Variants in AKAP13 observed in about 807,000 individuals in gnomAD.
AKAP13 encodes A-kinase anchor protein 13.
In AKAP13, 80 loss-of-function variants were observed where a neutral mutation model predicts 264.5. The ratio of observed to expected loss-of-function variants is 0.30; its 90% CI spans 0.25 to 0.36. The LOEUF is 0.36. AKAP13 is among the 10% of genes least tolerant of loss of function. The pLI is 1.00. For synonymous variants in AKAP13, 1,380 were observed against 1,250.2 expected (o/e 1.10, Z -2.19); for missense variants, 3,712 against 3,435.2 (o/e 1.08, Z -2.01).
rs1449326976 is a variant in AKAP13, at chr15:85,724,439, A to C, written c.6745+1119A>C. On this transcript the variant is annotated intron_variant, in intron 26 of 36. Transcript: ENST00000394518. This position sits in a 1 kb window ranked among gnomAD's most constrained non-coding sequence, Gnocchi z 4.2. The stretch of plus-strand genomic sequence containing the variant: ...CACATAAGGAGAAAGTGTTCCCCAC[A>C]CTAAGGAAGAGAAAGTGGAAGCACA... Among the ~76,000 whole-genome samples, 2 of 152,088 alleles carry C rather than the reference A, an allele frequency of 1.3e-5. No individual in the cohort carries two copies. The highest frequency in any genetic ancestry group is 2.9e-5 in the Non-Finnish European group (2 of 68,020).
Position 85,645,834 on chromosome 15 carries a change from G to T in AKAP13, c.4254G>T (p.Leu1418=), listed in dbSNP as rs770448847. The T allele has an allele frequency of 3.1e-6, 5 of 1,602,462 alleles. No homozygotes were observed. In the South Asian group the frequency reaches 5.6e-5, roughly 18 times the overall value. The change falls in exon 10 of 37, where the codon CTG becomes CTT. Residue 1418 remains leucine, a synonymous_variant. Coordinates refer to ENST00000394518, the MANE Select transcript of AKAP13 (RefSeq NM_007200.5). ...CTTTTTCAGAATGTGAGAACTTCCT[G>T]GATGTTGGACTGGGCAGAGAGTGTA... ...SKQSPECENF[L]DVGLGRECTS...
At position 85,741,245 on chromosome 15, in the gene AKAP13, G is replaced by T. The variant is rs1011716750; in HGVS notation, c.7808G>T (p.Arg2603Leu). The change falls in exon 35 of 37, where the codon CGT (arginine) becomes CTT (leucine). Residue 2603 changes from arginine to leucine, a missense_variant. Around this residue, in one of 3 missense-constraint regions of AKAP13, gnomAD observed 611 missense variants for 539.3 expected, o/e 1.13. Transcript: ENST00000394518. Reference protein sequence around the residue: ...QYLEEKRRREREWEARERELR... With the variant: ...QYLEEKRRRELEWEARERELR... ...CTCGAGGAGAAGCGCAGGCGCGAGC[G>T]TGAGTGGGAAGCTCGTGAGAGGGAG... The T allele has an allele frequency of 6.2e-7, 1 of 1,609,416 alleles. No individual in the cohort carries two copies. The highest frequency in any genetic ancestry group is 8.5e-7 in the Non-Finnish European group (1 of 1,178,054).
intron 36 of AKAP13, 97 bp downstream of exon 36, chr15:85,743,922 C>A: frequency 1.4e-6 from 2 of 1,380,026 alleles, no homozygotes; most frequent in Non-Finnish European, 1.9e-6. Context: ...GAAAAGGGGA[C>A]AGTTCAGATG....
chr15:85,539,606 A>G (rs541468915), intron 4 of AKAP13, among the ~76,000 whole-genome samples: 7 of 152,308 alleles, frequency 4.6e-5, no homozygotes, highest in South Asian at 2.1e-4. Context: ...AAAAGATACA[A>G]CCCTCTAGCA....
intron 17 of AKAP13, among the ~76,000 whole-genome samples, chr15:85,698,749 G>A (rs1166670532): frequency 1.3e-5 from 2 of 151,764 alleles, no homozygotes; most frequent in Non-Finnish European, 2.9e-5. Flanking sequence ...TTTGAGACCA[G>A]CCTGGCCAAC....
chr15:85,557,723 GCC>G (rs1426310435), intron 5 of AKAP13, among the ~76,000 whole-genome samples: 2 of 152,228 alleles, frequency 1.3e-5, no homozygotes, highest in Middle Eastern at 3.4e-3. Context: ...TGATTTGCCT[GCC>G]TCAGCCTCCT....
At chr15:85,404,641 C>T (rs1440878837) in intron 1 of AKAP13, among the ~76,000 whole-genome samples, 1 of 152,146 alleles carries the variant, frequency 6.6e-6, no homozygotes, top group Non-Finnish European at 1.5e-5. Context: ...TCTTTCTGAC[C>T]TCTCAAGCAT....
chr15:85,414,018 T>C (rs557148058), intron 1 of AKAP13, among the ~76,000 whole-genome samples: 1 of 152,322 alleles, frequency 6.6e-6, no homozygotes, highest in East Asian at 1.9e-4. Flanking sequence ...TCAGTGGAAA[T>C]GGAAATGAGA....
intron 5 of AKAP13, among the ~76,000 whole-genome samples, chr15:85,549,176 G>A (rs1199090939): frequency 1.3e-5 from 2 of 152,084 alleles, no homozygotes; most frequent in Non-Finnish European, 1.5e-5. Flanking sequence ...ATGTAGGTTG[G>A]AAATTATTCC....
chr15:85,670,096 T>G (rs66501342), intron 14 of AKAP13, among the ~76,000 whole-genome samples: 29,114 of 152,114 alleles, frequency 0.19, 3,189 homozygotes, highest in South Asian at 0.34. Context: ...TTTTTTATTT[T>G]GAAATAATTT....
At chr15:85,608,402 C>T (rs1306822222) in intron 8 of AKAP13, among the ~76,000 whole-genome samples, 1 of 152,186 alleles carries the variant, frequency 6.6e-6, no homozygotes, top group East Asian at 1.9e-4. Context: ...ATTCATCTCA[C>T]CTTGGATGTA....
At chr15:85,716,046 G>T in intron 20 of AKAP13, 123 bp downstream of exon 20, 5 of 1,259,656 alleles carry the variant, frequency 4.0e-6, no homozygotes, top group South Asian at 1.5e-5. Context: ...TCATGGGTTG[G>T]TGCAGACAAG....
intron 25 of AKAP13, 57 bp downstream of exon 25, chr15:85,722,404 A>G (rs1161295942): frequency 2.1e-6 from 3 of 1,407,548 alleles, no homozygotes; most frequent in Non-Finnish European, 1.9e-6. Flanking sequence ...CTCTGTGGCC[A>G]GTAGTACTGG....
chr15:85,486,739 C>CTTTTTTTTTT (rs562767898), intron 2 of AKAP13, among the ~76,000 whole-genome samples: 3 of 115,644 alleles, frequency 2.6e-5, no homozygotes, highest in Non-Finnish European at 3.4e-5. Flanking sequence ...TTGTTCAGTT[C>CTTTTTTTTTT]TTTTTTTTTT....
At position 85,745,792 on chromosome 15, in the gene AKAP13, G is replaced by C. The variant is rs934318160; in HGVS notation, c.*1115G>C. The C allele has an allele frequency of 6.6e-6, 1 of 152,320 alleles. No homozygotes were observed. The highest frequency in any genetic ancestry group is 6.5e-5 in the Admixed American group (1 of 15,286). The allele number at this position is 152,320 out of a possible 1,614,324, so 9.4% of individuals were successfully genotyped here. ...ATGTGTAGCAGTTCCTGCCAGTGCA[G>C]ATCTGGAGAGGAGCTGGCCCGGAAG... On this transcript the variant is annotated 3_prime_UTR_variant, in exon 37 of 37. Coordinates refer to ENST00000394518, the MANE Select transcript of AKAP13 (RefSeq NM_007200.5).
rs547214323 is a variant in AKAP13, at chr15:85,525,224, A to AT, written c.181+3656dup. ...AGGTGCCCACCACCACACCTGGCTAATTTTTTTGTATTTTTAGTAGAGACA... is the reference window on the plus strand; with the variant it reads ...AGGTGCCCACCACCACACCTGGCTAATTTTTTTTGTATTTTTAGTAGAGACA... On this transcript the variant is annotated intron_variant, in intron 3 of 36. Coordinates refer to ENST00000394518, the MANE Select transcript of AKAP13 (RefSeq NM_007200.5). Among the ~76,000 whole-genome samples the AT allele has an allele frequency of 6.5e-3, 987 of 151,620 alleles. 7 individuals carry two copies. The highest frequency in any genetic ancestry group is 0.02 in the South Asian group (94 of 4,786).
chr15:85,655,435 G>A lies in AKAP13; in HGVS notation c.4393G>A (p.Ala1465Thr). ...IFPKPEEEHL[A>T]CDITGSSSST... ...ATTACAGCCAGAGGAAGAGCATTTG[G>A]CCTGTGATATCACCGGATCCAGTTC... is the stretch of plus-strand genomic sequence containing the variant. The change falls in exon 11 of 37, where the codon GCC becomes ACC. Residue 1465 changes from alanine to threonine, a missense_variant. This residue lies in a region of AKAP13 where 2,759 missense variants were observed against 2,411.7 expected (regional missense o/e 1.14). Transcript: ENST00000394518. 3.1e-6 allele frequency: 5 copies of A among 1,613,894 alleles called. No homozygotes were observed. Among genetic ancestry groups the A allele is most frequent in the Non-Finnish European group, 3.4e-6 (4 of 1,179,836 alleles).
chr15:85,527,717 C>T (rs189245175), intron 3 of AKAP13, among the ~76,000 whole-genome samples: 3 of 152,308 alleles, frequency 2.0e-5, no homozygotes, highest in East Asian at 1.9e-4. Context: ...TTGCACACTA[C>T]TATTAGGTCC....
chr15:85,551,806 G>A (rs2077970449), intron 5 of AKAP13, among the ~76,000 whole-genome samples: 2 of 152,196 alleles, frequency 1.3e-5, no homozygotes, highest in Admixed American at 1.3e-4. Context: ...GGAGTATAGG[G>A]CTTGATAGTC....
Sources: gnomAD v4.1 joint callset for allele counts (sites outside exome capture counted in the v4.1 genomes callset) on GRCh38, gnomAD v4.1.1 for gene constraint, gnomAD v4.1.1 regional missense constraint, Gnocchi (gnomAD v3.1) non-coding constraint, MANE v1.5 for transcripts, NCBI Gene and HGNC (gene_info 2026-07-23, HGNC 2026-07-21) for gene names.